The following CEP83 variants were observed in gnomAD, a reference collection of about 807,000 sequenced individuals.
The protein encoded by CEP83 is centrosomal protein of 83 kDa.
In CEP83, 70 loss-of-function variants were observed where a neutral mutation model predicts 101.9. That is an observed-to-expected ratio of 0.69 (90% CI 0.57 to 0.84). The LOEUF (loss-of-function observed/expected upper bound fraction) is 0.84, where lower values mean the gene tolerates loss of function less well. Ranked by LOEUF, CEP83 falls within the 40% of genes least tolerant of loss-of-function variation. The probability of loss-of-function intolerance (pLI) is 0.00; values close to 1 mark genes in which losing one functional copy is unlikely to be tolerated. For synonymous variants in CEP83, 264 were observed against 267.9 expected (o/e 0.99, Z 0.14); for missense variants, 715 against 787.2 (o/e 0.91, Z 1.10).
chr12:94,294,686 T>C, the CEP83 span: 1 of 561,628 alleles, frequency 1.8e-6, no homozygotes, highest in East Asian at 3.0e-5. Context: ...CATTTTGATC[T>C]CTTTGCAGTC....
intron 2 of CEP83, chr12:94,423,699 A>G: frequency 1.2e-6 from 2 of 1,601,842 alleles, no homozygotes; most frequent in East Asian, 4.5e-5. Context: ...AGTATCTCCA[A>G]GAATTCATTT....
chr12:94,379,359 T>A (rs1175437396), intron 6 of CEP83, among the ~76,000 whole-genome samples: 3 of 152,152 alleles, frequency 2.0e-5, no homozygotes, highest in African/African-American at 7.2e-5. Context: ...AAATTCATCA[T>A]AACATTATAG....
the CEP83 span, among the ~76,000 whole-genome samples, chr12:94,269,746 A>G: frequency 6.6e-6 from 1 of 152,122 alleles, no homozygotes. Flanking sequence ...TGAGCTTTTT[A>G]TTTTTCTCTC....
At chr12:94,357,699 C>T (rs1298326886) in intron 11 of CEP83, among the ~76,000 whole-genome samples, 2 of 152,150 alleles carry the variant, frequency 1.3e-5, no homozygotes, top group Non-Finnish European at 2.9e-5. Context: ...TCTGTGGACC[C>T]TTGCCAGCAG....
intron 11 of CEP83, among the ~76,000 whole-genome samples, chr12:94,356,669 C>T (rs778438681): frequency 6.6e-6 from 1 of 152,170 alleles, no homozygotes; most frequent in Non-Finnish European, 1.5e-5. Flanking sequence ...AGCAATAAGT[C>T]AATATGGACC....
intron 2 of CEP83, chr12:94,424,203 C>T (rs1283956903): frequency 8.1e-6 from 13 of 1,609,462 alleles, no homozygotes; most frequent in Non-Finnish European, 1.1e-5. Context: ...TTCTGAAGAG[C>T]TGTGGTGGGG....
In CEP83 at chr12:94,411,755, T is replaced by C. The variant is rs767831592; in HGVS notation, c.266A>G (p.Glu89Gly). The C allele has an allele frequency of 6.2e-7, 1 of 1,611,180 alleles. No individual in the cohort carries two copies. Among genetic ancestry groups the C allele is most frequent in the Admixed American group, 1.7e-5 (1 of 59,926 alleles). ...CTCTACTAATTCTCCTCTTAGTTCT[T>C]CAAGCAGGAGCTGAAGTTTTTCCTG... is the stretch of plus-strand genomic sequence containing the variant. ...TQQEKLQLLL[E>G]ELRGELVEKT... The change falls in exon 4 of 17, where the codon GAA (glutamate) becomes GGA (glycine). Residue 89 changes from glutamate to glycine, a missense_variant. Coordinates refer to ENST00000397809, the MANE Select transcript of CEP83 (RefSeq NM_016122.3).
intron 11 of CEP83, among the ~76,000 whole-genome samples, chr12:94,357,900 T>C (rs2060558928): frequency 6.6e-6 from 1 of 152,048 alleles, no homozygotes; most frequent in South Asian, 2.1e-4. Context: ...TGGGAAAAAG[T>C]GAAATTAAAC....
chr12:94,268,574 G>A, the CEP83 span, among the ~76,000 whole-genome samples: 1 of 138,834 alleles, frequency 7.2e-6, no homozygotes, highest in Non-Finnish European at 1.5e-5. Flanking sequence ...CAGACAGCTG[G>A]AAGAGAATAA....
At chr12:94,350,446 T>G (rs888032471) in intron 11 of CEP83, among the ~76,000 whole-genome samples, 1 of 152,142 alleles carries the variant, frequency 6.6e-6, no homozygotes, top group Non-Finnish European at 1.5e-5. Context: ...TATAAAAGAA[T>G]GAACTTGGAC....
At chr12:94,367,144 T>C (rs1265694503) in intron 11 of CEP83, among the ~76,000 whole-genome samples, 1 of 152,086 alleles carries the variant, frequency 6.6e-6, no homozygotes, top group Non-Finnish European at 1.5e-5. Flanking sequence ...GAATTATCAA[T>C]GGATACTAAA....
At chr12:94,410,815 T>C (rs1359496573) in intron 4 of CEP83, among the ~76,000 whole-genome samples, 2 of 152,138 alleles carry the variant, frequency 1.3e-5, no homozygotes, top group Non-Finnish European at 2.9e-5. Context: ...ACAGTGAGCA[T>C]AGTGGAGGCT....
At chr12:94,402,485 T>C (rs1328405489) in intron 5 of CEP83, 1 of 152,066 alleles carries the variant, frequency 6.6e-6, no homozygotes, top group Non-Finnish European at 1.5e-5. Context: ...GGTTGCAGTA[T>C]TAAATAGGTA....
chr12:94,267,597 T>G, the CEP83 span, among the ~76,000 whole-genome samples: 1 of 152,166 alleles, frequency 6.6e-6, no homozygotes, highest in East Asian at 1.9e-4. Flanking sequence ...ATGGGCCACT[T>G]GTTTTTAGGG....
chr12:94,362,790 G>C (rs771622301), intron 11 of CEP83, among the ~76,000 whole-genome samples: 4 of 152,168 alleles, frequency 2.6e-5, no homozygotes, highest in Non-Finnish European at 1.5e-5. Context: ...ATCAACCTAC[G>C]TGCCCATCAA....
chr12:94,269,408 T>C, the CEP83 span, among the ~76,000 whole-genome samples: 4 of 152,368 alleles, frequency 2.6e-5, no homozygotes, highest in Non-Finnish European at 4.4e-5. Flanking sequence ...TCTCTTTCTC[T>C]AGCAGTTACC....
chr12:94,302,336 G>A (rs1441007154), downstream of CEP83, among the ~76,000 whole-genome samples: 1 of 152,082 alleles, frequency 6.6e-6, no homozygotes, highest in Non-Finnish European at 1.5e-5. Context: ...CAGTCCCTCT[G>A]TCTAGTAAAA....
At chr12:94,324,369 A>G (rs920014278) in intron 14 of CEP83, among the ~76,000 whole-genome samples, 1 of 152,214 alleles carries the variant, frequency 6.6e-6, no homozygotes, top group African/African-American at 2.4e-5. Context: ...TTCTTAAAGA[A>G]ATGTATTCAT....
intron 14 of CEP83, among the ~76,000 whole-genome samples, chr12:94,329,943 A>C (rs1424698048): frequency 6.6e-6 from 1 of 152,154 alleles, no homozygotes; most frequent in East Asian, 1.9e-4. Context: ...GAGACCAAGA[A>C]AGTAGAGAAG....
Sources: gnomAD v4.1 joint callset for allele counts (sites outside exome capture counted in the v4.1 genomes callset) on GRCh38, gnomAD v4.1.1 for gene constraint, MANE v1.5 for transcripts, NCBI Gene and HGNC (gene_info 2026-07-23, HGNC 2026-07-21) for gene names.